Variants in ATN1 observed in about 807,000 individuals in gnomAD.
ATN1 encodes the protein atrophin-1.
ATN1 carries 19 observed loss-of-function variants against 85.8 expected under a neutral mutation model. The observed-to-expected ratio is 0.22, with a 90% CI of 0.15 to 0.32. The LOEUF is 0.32. ATN1 is among the 10% of genes least tolerant of loss of function. ATN1 has a pLI of 1.00. For missense variants in ATN1, 1,453 were observed against 1,564.5 expected, an observed-to-expected ratio of 0.93 and a Z score of 1.20; for synonymous variants, 674 against 657.0, an observed-to-expected ratio of 1.03 and a Z score of -0.39.
chr12:6,941,843 C>G lies in ATN1; in HGVS notation c.*63C>G, dbSNP rs896097173. The G allele has an allele frequency of 3.2e-6, 5 of 1,564,074 alleles. No homozygotes were observed. Among genetic ancestry groups the G allele is most frequent in the Non-Finnish European group, 4.4e-6 (5 of 1,135,258 alleles). Reference sequence around the variant, plus strand: ...GACCTTGGAGCACCCCCACCCTCCCCCCACCGTGCCCTTGGCCTGCCACCC... The same window carrying G: ...GACCTTGGAGCACCCCCACCCTCCCGCCACCGTGCCCTTGGCCTGCCACCC... On this transcript the variant is annotated 3_prime_UTR_variant, in exon 10 of 10. Transcript: ENST00000396684. The surrounding 1 kb of genome is among the most constrained non-coding windows in gnomAD (Gnocchi z 5.9).
At position 6,937,625 on chromosome 12, in the gene ATN1, G is replaced by C. The variant is rs1468128952; in HGVS notation, c.2294+64G>C. On this transcript the variant is annotated intron_variant, in intron 5 of 9. Transcript: ENST00000396684. The surrounding 1 kb of genome is among the most constrained non-coding windows in gnomAD (Gnocchi z 6.0). ...GGACGACGACAAGGCGGCGACGAGA[G>C]AGGGAGTAGCAGGGAGGGGCCTTGC... 1 of 1,446,400 alleles carries C rather than the reference G, an allele frequency of 6.9e-7. No homozygotes were observed. Among genetic ancestry groups the C allele is most frequent in the East Asian group, 2.5e-5 (1 of 40,102 alleles). 89.6% of individuals were successfully genotyped at this position (1,446,400 alleles called of 1,614,324 possible). A position where few individuals can be genotyped will look rare whatever the true frequency, so the allele number is the denominator to read the frequency against.
chr12:6,932,372 T>C (rs754156219), intron 1 of ATN1, among the ~76,000 whole-genome samples: 10 of 152,174 alleles, frequency 6.6e-5, no homozygotes, highest in Non-Finnish European at 1.0e-4. Context: ...CTGATGTTAG[T>C]GGGTTTAAAG....
At position 6,935,576 on chromosome 12, in the gene ATN1, C is replaced by G. The variant is rs200573795; in HGVS notation, c.309C>G (p.Ser103=). 1 of 1,613,312 alleles carries G rather than the reference C, an allele frequency of 6.2e-7. No individual in the cohort carries two copies. Residue 103 remains serine (S), a synonymous_variant, in exon 5 of 10, where the codon TCC becomes TCG. Coordinates refer to ENST00000396684, the MANE Select transcript of ATN1 (RefSeq NM_001940.4). The surrounding 1 kb of genome is among the most constrained non-coding windows in gnomAD (Gnocchi z 5.3). ...EQELPRPQSP[S]DLDSLDGRSL... Reference sequence around the variant, plus strand: ...AACTCCCTCGGCCACAGTCTCCCTCCGATCTGGATAGCTTGGACGGGCGGA... The same window carrying G: ...AACTCCCTCGGCCACAGTCTCCCTCGGATCTGGATAGCTTGGACGGGCGGA...
Position 6,935,935 on chromosome 12 carries a change from G to T in ATN1, c.668G>T (p.Gly223Val). The T allele has an allele frequency of 6.3e-7, 1 of 1,598,052 alleles. No homozygotes were observed. The highest frequency in any genetic ancestry group is 1.1e-5 in the South Asian group (1 of 89,086). ...PPPHPQLYPG[G>V]TGGVLSGPPM... The stretch of plus-strand genomic sequence containing the variant: ...CCTCACCCACAGCTCTATCCTGGGG[G>T]CACTGGTGGAGTTTTGTCTGGACCC... The change falls in exon 5 of 10, where the codon GGC becomes GTC. Residue 223 changes from glycine to valine, a missense_variant. Physicochemically the swap from Gly to Val is moderately radical, Grantham distance 109 (BLOSUM62 -3). Around this residue, in one of 6 missense-constraint regions of ATN1, gnomAD observed 990 missense variants for 914.8 expected, o/e 1.08. Transcript: ENST00000396684. The surrounding 1 kb of genome is among the most constrained non-coding windows in gnomAD (Gnocchi z 5.3).
Position 6,935,337 on chromosome 12 carries a change from C to T in ATN1, c.280-210C>T, listed in dbSNP as rs918939160. Among the ~76,000 whole-genome samples, 23 of 151,954 alleles carry T rather than the reference C, an allele frequency of 1.5e-4. No individual in the cohort carries two copies. The highest frequency in any genetic ancestry group is 6.8e-3 in the Middle Eastern group (2 of 294). On this transcript the variant is annotated intron_variant, in intron 4 of 9. Transcript: ENST00000396684. This position sits in a 1 kb window ranked among gnomAD's most constrained non-coding sequence, Gnocchi z 5.3. ...TGAGGAAGGAATAGGGTTTTACAGGCGGGAAACAAGACTGGCTGCTAGGGA... is the reference window on the plus strand; with the variant it reads ...TGAGGAAGGAATAGGGTTTTACAGGTGGGAAACAAGACTGGCTGCTAGGGA...
chr12:6,937,924 C>T lies in ATN1; in HGVS notation c.2374C>T (p.Leu792=). 6.3e-7 allele frequency: 1 copy of T among 1,594,830 alleles called. No homozygotes were observed. Among genetic ancestry groups the T allele is most frequent in the Non-Finnish European group, 8.5e-7 (1 of 1,171,316 alleles). The change falls in exon 6 of 10, where the codon CTG becomes TTG. Residue 792 remains leucine (L), a synonymous_variant. Transcript: ENST00000396684. The surrounding 1 kb of genome is among the most constrained non-coding windows in gnomAD (Gnocchi z 6.0). ...CTTCGTGCCACTGGAGGGCTCCAAG[C>T]TGGCCAAGAAGCGGGCCGACCTGGT... ...LYFVPLEGSK[L]AKKRADLVEK...
At chr12:6,933,607 G>A (rs782073151) in intron 1 of ATN1, among the ~76,000 whole-genome samples, 4 of 152,260 alleles carry the variant, frequency 2.6e-5, no homozygotes, top group South Asian at 2.1e-4. Flanking sequence ...AGGTACATCC[G>A]AATTTTCTGC....
At position 6,937,964 on chromosome 12, in the gene ATN1, G is replaced by A; in HGVS notation, c.2414G>A (p.Arg805His). The A allele has an allele frequency of 1.3e-6, 2 of 1,564,096 alleles. No homozygotes were observed. Among genetic ancestry groups the A allele is most frequent in the Non-Finnish European group, 8.7e-7 (1 of 1,155,360 alleles). The change falls in exon 6 of 10, where the codon CGC becomes CAC. Residue 805 changes from arginine (R) to histidine (H), a missense_variant. This residue lies in a region of ATN1 where 990 missense variants were observed against 914.8 expected (regional missense o/e 1.08). Transcript: ENST00000396684. The surrounding 1 kb of genome is among the most constrained non-coding windows in gnomAD (Gnocchi z 6.0). The part of the protein sequence containing the change: ...KRADLVEKVR[R>H]EAEQRAREEK... Reference sequence around the variant, plus strand: ...GCCGACCTGGTGGAGAAGGTGCGGCGCGAGGCCGAGCAGCGCGCGCGCGAA... The same window carrying A: ...GCCGACCTGGTGGAGAAGGTGCGGCACGAGGCCGAGCAGCGCGCGCGCGAA...
Position 6,941,246 on chromosome 12 carries a change from C to T in ATN1, c.3359-128C>T, listed in dbSNP as rs117513509. On this transcript the variant is annotated intron_variant, in intron 8 of 9. Coordinates refer to ENST00000396684, the MANE Select transcript of ATN1 (RefSeq NM_001940.4). The surrounding 1 kb of genome is among the most constrained non-coding windows in gnomAD (Gnocchi z 5.9). ...ATTCCACCCTACCACTGGCAACTTA[C>T]AGAACTGGGTGTGTTACCTCACTTT... The T allele has an allele frequency of 5.4e-3, 7,012 of 1,289,060 alleles. 50 individuals carry two copies. Among genetic ancestry groups the T allele is most frequent in the Middle Eastern group, 0.023 (121 of 5,188 alleles). 79.9% of individuals were successfully genotyped at this position (1,289,060 alleles called of 1,614,324 possible). A position where few individuals can be genotyped will look rare whatever the true frequency, so the allele number is the denominator to read the frequency against.
In ATN1 at chr12:6,934,063, C is replaced by T. The variant is rs782558116; in HGVS notation, c.27+35C>T. 6.2e-6 allele frequency: 10 copies of T among 1,609,578 alleles called. No homozygotes were observed. The highest frequency in any genetic ancestry group is 2.2e-5 in the South Asian group (2 of 90,530). Reference sequence around the variant, plus strand: ...AATGAGAGACATGAAAGATGAGGGGCGGGGCAGGCAAGCTAGGAGGAAGGG... The same window carrying T: ...AATGAGAGACATGAAAGATGAGGGGTGGGGCAGGCAAGCTAGGAGGAAGGG... On this transcript the variant is annotated intron_variant, in intron 2 of 9. Coordinates refer to ENST00000396684, the MANE Select transcript of ATN1 (RefSeq NM_001940.4). This position sits in a 1 kb window ranked among gnomAD's most constrained non-coding sequence, Gnocchi z 4.5.
At position 6,940,997 on chromosome 12, in the gene ATN1, A is replaced by G. The variant is rs782331882; in HGVS notation, c.3332A>G (p.Asn1111Ser). 3.1e-6 allele frequency: 5 copies of G among 1,614,006 alleles called. No individual in the cohort carries two copies. Among genetic ancestry groups the G allele is most frequent in the African/African-American group, 1.3e-5 (1 of 74,890 alleles). Residue 1111 changes from asparagine to serine, a missense_variant, in exon 8 of 10, where the codon AAC becomes AGC. Transcript: ENST00000396684. ...CTGCTTCCTCACCCTCTGCACGAGA[A>G]CGAAGTTCTTCGTCACCAGCTCTTT... ...NPLLPHPLHENEVLRHQLFAA... is the reference protein window; with the variant it reads ...NPLLPHPLHESEVLRHQLFAA...
Position 6,937,044 on chromosome 12 carries a change from G to A in ATN1, c.1777G>A (p.Gly593Ser). 3 of 1,613,788 alleles carry A rather than the reference G, an allele frequency of 1.9e-6. No homozygotes were observed. The highest frequency in any genetic ancestry group is 2.5e-6 in the Non-Finnish European group (3 of 1,179,970). The change falls in exon 5 of 10, where the codon GGC becomes AGC. Residue 593 changes from glycine (G) to serine (S), a missense_variant. Coordinates refer to ENST00000396684, the MANE Select transcript of ATN1 (RefSeq NM_001940.4). The surrounding 1 kb of genome is among the most constrained non-coding windows in gnomAD (Gnocchi z 6.0). Reference protein sequence around the residue: ...YPCSHPSPSQGPQGAPYPFPP... With the variant: ...YPCSHPSPSQSPQGAPYPFPP... The stretch of plus-strand genomic sequence containing the variant: ...ATGTTCACACCCCTCCCCTTCCCAG[G>A]GCCCTCAAGGGGCGCCCTACCCTTT...
intron 1 of ATN1, 38 bp from the exon 2 acceptor site, chr12:6,933,802 T>C: frequency 1.6e-6 from 1 of 642,960 alleles, no homozygotes; most frequent in Middle Eastern, 4.2e-4. Context: ...GTGACTCTGT[T>C]CTCCAAGTTG....
At position 6,936,664 on chromosome 12, in the gene ATN1, C is replaced by A; in HGVS notation, c.1397C>A (p.Thr466Asn). 1 of 1,613,836 alleles carries A rather than the reference C, an allele frequency of 6.2e-7. No individual in the cohort carries two copies. Among genetic ancestry groups the A allele is most frequent in the Non-Finnish European group, 8.5e-7 (1 of 1,179,960 alleles). Reference sequence around the variant, plus strand: ...CATCCAGGCCCCTTCCCTCCCTCTACTGGGGCCCAGTCCACCGCCCACCCA... The same window carrying A: ...CATCCAGGCCCCTTCCCTCCCTCTAATGGGGCCCAGTCCACCGCCCACCCA... ...NAHPGPFPPS[T>N]GAQSTAHPPV... The change falls in exon 5 of 10, where the codon ACT (threonine) becomes AAT (asparagine). Residue 466 changes from threonine (T) to asparagine (N), a missense_variant. By Grantham distance (65) the Thr-to-Asn change is moderately conservative. Coordinates refer to ENST00000396684, the MANE Select transcript of ATN1 (RefSeq NM_001940.4).
At chr12:6,930,396 A>G (rs1190381128) in intron 1 of ATN1, among the ~76,000 whole-genome samples, 1 of 152,174 alleles carries the variant, frequency 6.6e-6, no homozygotes, top group Non-Finnish European at 1.5e-5. Context: ...TCCTTCTGAC[A>G]TCCCATATTT....
In ATN1 at chr12:6,935,879, A is replaced by G; in HGVS notation, c.612A>G (p.Arg204=). The change falls in exon 5 of 10, where the codon CGA becomes CGG. Residue 204 remains arginine (R), a synonymous_variant. Transcript: ENST00000396684. This position sits in a 1 kb window ranked among gnomAD's most constrained non-coding sequence, Gnocchi z 5.3. ...CTCCCATGGAGCCCCCCACATCTCG[A>G]ATGTTCCAGGCTCCTCCTGGGGCCC... The part of the protein sequence containing the change: ...YHAPMEPPTS[R]MFQAPPGAPP... 6.2e-7 allele frequency: 1 copy of G among 1,613,450 alleles called. No homozygotes were observed. Among genetic ancestry groups the G allele is most frequent in the Non-Finnish European group, 8.5e-7 (1 of 1,179,738 alleles).
At position 6,937,714 on chromosome 12, in the gene ATN1, C is replaced by T; in HGVS notation, c.2295-131C>T. On this transcript the variant is annotated intron_variant, in intron 5 of 9. Transcript: ENST00000396684. This position sits in a 1 kb window ranked among gnomAD's most constrained non-coding sequence, Gnocchi z 6.0. ...CGTCCAGGCCTAGTGGCCAGTGAGG[C>T]CCGCAGCAGCTCACAGCCTGCAGGG... 6.9e-7 allele frequency: 1 copy of T among 1,443,276 alleles called. No homozygotes were observed. The highest frequency in any genetic ancestry group is 1.5e-5 in the South Asian group (1 of 68,156). 89.4% of individuals were successfully genotyped at this position (1,443,276 alleles called of 1,614,324 possible).
At chr12:6,938,398 T>C (rs149001483) in intron 6 of ATN1, 83 bp from the exon 7 acceptor site, 26,480 of 1,471,930 alleles carry the variant, frequency 0.018, 333 homozygotes, top group South Asian at 0.036. Flanking sequence ...GGCATTCGGC[T>C]GTCGAAACAA....
Position 6,942,046 on chromosome 12 carries a change from C to G in ATN1, c.*266C>G. On this transcript the variant is annotated 3_prime_UTR_variant, in exon 10 of 10. Transcript: ENST00000396684. ...AGGTCTCTCTTCCTTGTCCCCCCTGCTTTTCTCCTCCCCCATGCCCAACCC... is the reference window on the plus strand; with the variant it reads ...AGGTCTCTCTTCCTTGTCCCCCCTGGTTTTCTCCTCCCCCATGCCCAACCC... The G allele has an allele frequency of 1.9e-6, 1 of 538,208 alleles. No homozygotes were observed. Among genetic ancestry groups the G allele is most frequent in the South Asian group, 2.3e-5 (1 of 43,776 alleles). 33.3% of individuals were successfully genotyped at this position (538,208 alleles called of 1,614,324 possible).
Sources: gnomAD v4.1 joint callset for allele counts (sites outside exome capture counted in the v4.1 genomes callset) on GRCh38, gnomAD v4.1.1 for gene constraint, gnomAD v4.1.1 regional missense constraint, Gnocchi (gnomAD v3.1) non-coding constraint, MANE v1.5 for transcripts, NCBI Gene and HGNC (gene_info 2026-07-23, HGNC 2026-07-21) for gene names.